The following ITGA9 variants were observed in gnomAD, a reference collection of about 807,000 sequenced individuals.
ITGA9 encodes integrin subunit alpha 9, also known as integrin alpha-9.
A neutral mutation model predicts 127.8 loss-of-function variants in ITGA9; 56 were observed. That is an observed-to-expected ratio of 0.44 (90% CI 0.35 to 0.55). The LOEUF (loss-of-function observed/expected upper bound fraction) is 0.55. Ranked by LOEUF, ITGA9 falls within the 20% of genes least tolerant of loss-of-function variation. The pLI is 0.00. For synonymous variants in ITGA9, 508 were observed against 514.5 expected (o/e 0.99, Z 0.17); for missense variants, 1,196 against 1,347.1 (o/e 0.89, Z 1.76).
At chr3:37,790,509 G>C in intron 26 of ITGA9, 1 of 295,568 alleles carries the variant, frequency 3.4e-6, no homozygotes, top group Non-Finnish European at 6.7e-6. Flanking sequence ...AAGCCTCCAG[G>C]GCGTCTGGAG....
intron 2 of ITGA9, among the ~76,000 whole-genome samples, 191 bp from the exon 3 acceptor site, chr3:37,473,163 A>T (rs535496477): frequency 7.1e-6 from 1 of 141,790 alleles, no homozygotes; most frequent in African/African-American, 2.6e-5. Flanking sequence ...AAAAAAAAAG[A>T]AAGAAAAAGA....
chr3:37,725,221 G>A (rs1221511138), intron 18 of ITGA9, among the ~76,000 whole-genome samples: 1 of 152,220 alleles, frequency 6.6e-6, no homozygotes, highest in Non-Finnish European at 1.5e-5. Flanking sequence ...TATGTATCAT[G>A]TAGTCTTCCT....
intron 17 of ITGA9, among the ~76,000 whole-genome samples, chr3:37,661,233 T>C (rs1412800287): frequency 6.6e-6 from 1 of 152,208 alleles, no homozygotes; most frequent in Admixed American, 6.5e-5. Flanking sequence ...CAATGCCGTC[T>C]CTCTGGAATT....
intron 16 of ITGA9, among the ~76,000 whole-genome samples, chr3:37,636,099 C>T (rs1216755748): frequency 2.0e-5 from 3 of 152,052 alleles, no homozygotes; most frequent in South Asian, 2.1e-4. Flanking sequence ...CATACATGTG[C>T]GTGTGTCTTT....
At chr3:37,798,735 A>T (rs559934798) in intron 26 of ITGA9, among the ~76,000 whole-genome samples, 1 of 152,326 alleles carries the variant, frequency 6.6e-6, no homozygotes, top group South Asian at 2.1e-4. Context: ...GGTATTAGCC[A>T]GTTTTGTATT....
At chr3:37,788,155 A>T (rs1697063699) in intron 26 of ITGA9, among the ~76,000 whole-genome samples, 1 of 152,166 alleles carries the variant, frequency 6.6e-6, no homozygotes, top group East Asian at 1.9e-4. Context: ...TTCTGTTATC[A>T]CGTTGAATTC....
At chr3:37,571,284 G>A (rs576314776) in intron 15 of ITGA9, among the ~76,000 whole-genome samples, 31 of 152,274 alleles carry the variant, frequency 2.0e-4, no homozygotes, top group African/African-American at 7.2e-4. Context: ...TGGGAAGCTC[G>A]GAGTCTCACA....
At chr3:37,547,878 A>G (rs1699342974) in intron 15 of ITGA9, among the ~76,000 whole-genome samples, 1 of 152,242 alleles carries the variant, frequency 6.6e-6, no homozygotes, top group South Asian at 2.1e-4. Flanking sequence ...TCTTTCAGCT[A>G]TCCTATTTTT....
At chr3:37,815,960 G>A (rs1393149823) in intron 27 of ITGA9, among the ~76,000 whole-genome samples, 2 of 152,148 alleles carry the variant, frequency 1.3e-5, no homozygotes, top group African/African-American at 4.8e-5. Context: ...ATAGGCATTT[G>A]TGTGGAAGCA....
intron 23 of ITGA9, among the ~76,000 whole-genome samples, chr3:37,772,797 G>A (rs573859539): frequency 2.6e-5 from 4 of 152,206 alleles, no homozygotes; most frequent in East Asian, 3.9e-4. Context: ...AACCACAGTC[G>A]GGAGCACAAC....
At chr3:37,760,096 C>T (rs1372238274) in intron 23 of ITGA9, among the ~76,000 whole-genome samples, 2 of 151,850 alleles carry the variant, frequency 1.3e-5, no homozygotes, top group Non-Finnish European at 2.9e-5. Flanking sequence ...TGGCAGATGC[C>T]TGTAATCCCA....
intron 26 of ITGA9, among the ~76,000 whole-genome samples, chr3:37,789,202 T>A (rs1232993271): frequency 1.3e-5 from 2 of 152,114 alleles, no homozygotes; most frequent in East Asian, 3.9e-4. Flanking sequence ...CTATCACATA[T>A]GAAGAATGAA....
chr3:37,760,075 G>C (rs1433939461), intron 23 of ITGA9, among the ~76,000 whole-genome samples: 2 of 151,250 alleles, frequency 1.3e-5, no homozygotes, highest in Admixed American at 6.6e-5. Flanking sequence ...CAAAAAATTA[G>C]CTGGGAGTGG....
chr3:37,732,968 G>C lies in ITGA9; in HGVS notation c.2154+170G>C. 4.5e-6 allele frequency: 3 copies of C among 672,646 alleles called. 1 individual carries two copies. The South Asian group carries it at 4.7e-5, about 11-fold the overall frequency. 41.7% of individuals were successfully genotyped at this position (672,646 alleles called of 1,614,324 possible). A position where few individuals can be genotyped will look rare whatever the true frequency, so the allele number is the denominator to read the frequency against. The stretch of plus-strand genomic sequence containing the variant: ...GCTCCTGTCCCTGGCTGTGTACACC[G>C]GGGTATACTCCGGAGGGGCTGCATC... On this transcript the variant is annotated intron_variant, in intron 19 of 27. Transcript: ENST00000264741.
intron 26 of ITGA9, among the ~76,000 whole-genome samples, chr3:37,802,967 G>A (rs1407290200): frequency 6.6e-6 from 1 of 152,214 alleles, no homozygotes; most frequent in Non-Finnish European, 1.5e-5. Flanking sequence ...GGAAACTACA[G>A]TACAGCCTCT....
intron 8 of ITGA9, 78 bp downstream of exon 8, chr3:37,508,705 G>A: frequency 8.3e-7 from 1 of 1,202,092 alleles, no homozygotes; most frequent in South Asian, 1.2e-5. Flanking sequence ...TTAGAAAATT[G>A]GTTTGAAGGC....
chr3:37,637,380 A>C (rs1321982533), intron 16 of ITGA9, among the ~76,000 whole-genome samples: 1 of 152,012 alleles, frequency 6.6e-6, no homozygotes, highest in Non-Finnish European at 1.5e-5. Context: ...TAGGTATTTT[A>C]TTCTCTTTGA....
At chr3:37,527,518 A>C (rs78490961) in intron 13 of ITGA9, among the ~76,000 whole-genome samples, 6,148 of 152,272 alleles carry the variant, frequency 0.04, 399 homozygotes, top group African/African-American at 0.14. Context: ...TGGTGACTTC[A>C]CTAAGATAAG....
intron 15 of ITGA9, among the ~76,000 whole-genome samples, chr3:37,560,773 A>T (rs997850899): frequency 1.3e-5 from 2 of 152,198 alleles, no homozygotes; most frequent in Non-Finnish European, 2.9e-5. Flanking sequence ...TTTCAATAAC[A>T]TATATCAGTT....
Sources: gnomAD v4.1 joint callset for allele counts (sites outside exome capture counted in the v4.1 genomes callset) on GRCh38, gnomAD v4.1.1 for gene constraint, MANE v1.5 for transcripts, NCBI Gene and HGNC (gene_info 2026-07-23, HGNC 2026-07-21) for gene names.